Variants in NT5DC3 observed in about 807,000 individuals in gnomAD.
NT5DC3 encodes the protein 5'-nucleotidase domain containing 3, also known as 5'-nucleotidase domain-containing protein 3.
In NT5DC3, 42 loss-of-function variants were observed where a neutral mutation model predicts 67.8. The ratio of observed to expected loss-of-function variants is 0.62; its 90% CI spans 0.48 to 0.80. The LOEUF (loss-of-function observed/expected upper bound fraction) is 0.80. Among genes scored for constraint, NT5DC3 ranks in the 30% least tolerant of loss-of-function variants. NT5DC3 has a pLI of 0.00. For missense variants in NT5DC3, 570 were observed against 696.4 expected (o/e 0.82, Z 2.04); for synonymous variants, 237 against 255.6 (o/e 0.93, Z 0.69).
At chr12:103,750,568 T>C in the NT5DC3 span, 1 of 1,613,430 alleles carries the variant, frequency 6.2e-7, no homozygotes, top group African/African-American at 1.3e-5. Context: ...CTTCCCACTC[T>C]CCCTCCACAG....
rs1246620940 is a variant in NT5DC3 at position 103,775,525 on chromosome 12, C to A, written c.*2304G>T. The A allele has an allele frequency of 6.6e-6, 1 of 152,152 alleles. No homozygotes were observed. Among genetic ancestry groups the A allele is most frequent in the African/African-American group, 2.4e-5 (1 of 41,446 alleles). 9.4% of individuals were successfully genotyped at this position (152,152 alleles called of 1,614,324 possible). ...GCTTCTCCAAAGCAGAAACTTGAAG[C>A]CAAGAACACCAGCGCATTCTTTTAG... On this transcript the variant is annotated 3_prime_UTR_variant, in exon 14 of 14. Transcript: ENST00000392876.
intron 2 of NT5DC3, among the ~76,000 whole-genome samples, chr12:103,813,843 AT>A (rs1379633343): frequency 3.9e-5 from 6 of 152,242 alleles, no homozygotes; most frequent in African/African-American, 1.4e-4. Flanking sequence ...ACACTAGCCC[AT>A]TATATGTCTG....
intron 1 of NT5DC3, among the ~76,000 whole-genome samples, chr12:103,818,380 CCT>C (rs1566122727): frequency 6.6e-6 from 1 of 151,216 alleles, no homozygotes. Flanking sequence ...ACGACCATGG[CCT>C]TTTTTTTTTT....
chr12:103,819,102 C>T (rs1887386106), intron 1 of NT5DC3, among the ~76,000 whole-genome samples: 1 of 152,172 alleles, frequency 6.6e-6, no homozygotes. Context: ...GATAAAAAAT[C>T]GTGACTGGTC....
chr12:103,810,894 G>A (rs1353926965), intron 2 of NT5DC3, among the ~76,000 whole-genome samples: 1 of 152,130 alleles, frequency 6.6e-6, no homozygotes, highest in Non-Finnish European at 1.5e-5. Flanking sequence ...CTTTCCAGAG[G>A]TCTCAGTTTA....
chr12:103,797,064 CAG>C (rs760133148), intron 5 of NT5DC3, 33 bp from the exon 6 acceptor site: 6 of 1,612,820 alleles, frequency 3.7e-6, no homozygotes, highest in East Asian at 2.2e-5. Flanking sequence ...GCTTTAGAAA[CAG>C]GGGCCCACGC....
chr12:103,819,230 G>A lies in NT5DC3; in HGVS notation c.209-4109C>T, dbSNP rs183216210. Among the ~76,000 whole-genome samples the A allele has an allele frequency of 1.4e-4, 21 of 152,328 alleles. No homozygotes were observed. In the East Asian group the frequency reaches 1.9e-3, roughly 14 times the overall value. On this transcript the variant is annotated intron_variant, in intron 1 of 13. Coordinates refer to ENST00000392876, the MANE Select transcript of NT5DC3 (RefSeq NM_001031701.3). Reference sequence around the variant, plus strand: ...TGTTTAAAGTGTCATCCTCGAACACGAGGAGCAGCATCTTAAAGGGATCTT... The same window carrying A: ...TGTTTAAAGTGTCATCCTCGAACACAAGGAGCAGCATCTTAAAGGGATCTT...
downstream of NT5DC3, chr12:103,765,928 A>G: frequency 2.7e-6 from 1 of 368,938 alleles, no homozygotes; most frequent in Admixed American, 3.7e-5. Context: ...AGTTTTTATA[A>G]TATTATTAGC....
the NT5DC3 span, chr12:103,749,003 G>A: frequency 3.1e-6 from 5 of 1,614,024 alleles, no homozygotes; most frequent in Non-Finnish European, 4.2e-6. Context: ...GCTGTGCAAA[G>A]GTGGCCAGAT....
downstream of NT5DC3, chr12:103,766,505 G>A (rs1039866958): frequency 2.8e-6 from 2 of 720,420 alleles, no homozygotes; most frequent in South Asian, 1.9e-5. Flanking sequence ...GAGATGTGTT[G>A]CTGTGCCCAC....
intron 4 of NT5DC3, among the ~76,000 whole-genome samples, chr12:103,800,947 G>A (rs115660304): frequency 2.4e-3 from 364 of 152,224 alleles, no homozygotes; most frequent in African/African-American, 8.4e-3. Context: ...GAGCTACCAC[G>A]TATAGAACAG....
chr12:103,748,605 TACACACAC>T, the NT5DC3 span, among the ~76,000 whole-genome samples: 1,815 of 141,448 alleles, frequency 0.013, 17 homozygotes, highest in East Asian at 0.029. Flanking sequence ...CACACACACA[TACACACAC>T]ACACACACAC....
At chr12:103,835,657 G>A (rs889536955) in intron 1 of NT5DC3, among the ~76,000 whole-genome samples, 1 of 152,066 alleles carries the variant, frequency 6.6e-6, no homozygotes, top group Non-Finnish European at 1.5e-5. Flanking sequence ...ACTATCTACT[G>A]AGCATCTGCT....
downstream of NT5DC3, among the ~76,000 whole-genome samples, chr12:103,767,720 G>C (rs1238021371): frequency 2.0e-5 from 3 of 152,016 alleles, no homozygotes; most frequent in Non-Finnish European, 4.4e-5. Flanking sequence ...TTTGCACCGA[G>C]ACCCCTTCCT....
chr12:103,762,775 G>A, the NT5DC3 span, among the ~76,000 whole-genome samples: 4 of 152,196 alleles, frequency 2.6e-5, no homozygotes, highest in East Asian at 3.8e-4. Flanking sequence ...CTTCAAGACC[G>A]GCTCTGAGAA....
In NT5DC3 at chr12:103,827,342, A is replaced by T. The variant is rs1216986110; in HGVS notation, c.209-12221T>A. On this transcript the variant is annotated intron_variant, in intron 1 of 13. Coordinates refer to ENST00000392876, the MANE Select transcript of NT5DC3 (RefSeq NM_001031701.3). The stretch of plus-strand genomic sequence containing the variant: ...CTGGGTTTTAATTTCTAATACAATC[A>T]CTATCAACATAAGGGCAGAATACAT... 4.6e-5 allele frequency among the ~76,000 whole-genome samples: 7 copies of T among 152,326 alleles called. No individual in the cohort carries two copies. In the South Asian group the frequency reaches 1.5e-3, roughly 32 times the overall value.
chr12:103,783,431 G>A (rs1885639861), intron 12 of NT5DC3, among the ~76,000 whole-genome samples: 1 of 152,180 alleles, frequency 6.6e-6, no homozygotes, highest in Admixed American at 6.5e-5. Flanking sequence ...GTCTTCATCA[G>A]TAAAATGGCA....
chr12:103,753,486 A>C, the NT5DC3 span: 1 of 1,197,670 alleles, frequency 8.3e-7, no homozygotes, highest in Middle Eastern at 2.6e-4. Flanking sequence ...GAACAATGCT[A>C]ACAGTCACCA....
At chr12:103,764,951 G>A in the NT5DC3 span, among the ~76,000 whole-genome samples, 15 of 135,504 alleles carry the variant, frequency 1.1e-4, no homozygotes, top group South Asian at 1.1e-3. Context: ...AGGCAGGAGC[G>A]GTGGTGCCTG....
Sources: allele counts gnomAD v4.1 joint callset (sites outside exome capture counted in the v4.1 genomes callset), GRCh38; gene constraint gnomAD v4.1.1; transcripts MANE v1.5; gene names NCBI Gene and HGNC (gene_info 2026-07-23, HGNC 2026-07-21).